Variants in GTF2F2 observed in about 807,000 individuals in gnomAD.
GTF2F2 encodes general transcription factor IIF subunit 2.
Under a neutral mutation model 42.2 loss-of-function variants are expected in GTF2F2, and 23 were observed. That is an observed-to-expected ratio of 0.55 (90% confidence interval 0.39 to 0.77). The LOEUF (loss-of-function observed/expected upper bound fraction) is 0.77. Ranked by LOEUF, GTF2F2 falls within the 30% of genes least tolerant of loss-of-function variation. GTF2F2 has a pLI of 0.00. For synonymous variants in GTF2F2, 105 were observed against 100.8 expected (o/e 1.04, Z -0.25); for missense variants, 261 against 287.2 (o/e 0.91, Z 0.66).
At chr13:45,171,069 C>CTTTTTTT (rs908914894) in intron 4 of GTF2F2, among the ~76,000 whole-genome samples, 2 of 94,240 alleles carry the variant, frequency 2.1e-5, no homozygotes, top group Non-Finnish European at 3.9e-5. Context: ...AAAACCCTAT[C>CTTTTTTT]TTTTTTTTTT....
At chr13:45,207,011 C>CACACACACAG (rs1873443541) in intron 4 of GTF2F2, 1 of 147,714 alleles carries the variant, frequency 6.8e-6, no homozygotes, top group African/African-American at 2.5e-5. Flanking sequence ...CACAAACACA[C>CACACACACAG]ACACACACAC....
At chr13:45,166,910 C>G (rs1871320607) in intron 4 of GTF2F2, among the ~76,000 whole-genome samples, 1 of 151,982 alleles carries the variant, frequency 6.6e-6, no homozygotes, top group East Asian at 1.9e-4. Context: ...AAAGTTAGGT[C>G]CATTTATATA....
intron 1 of GTF2F2, among the ~76,000 whole-genome samples, chr13:45,134,794 G>T (rs1301865247): frequency 6.6e-6 from 1 of 152,142 alleles, no homozygotes; most frequent in Non-Finnish European, 1.5e-5. Flanking sequence ...GTTGAGTCTT[G>T]AATCTGATCC....
intron 5 of GTF2F2, among the ~76,000 whole-genome samples, chr13:45,214,764 G>A (rs1211396417): frequency 6.6e-6 from 1 of 151,782 alleles, no homozygotes; most frequent in Non-Finnish European, 1.5e-5. Flanking sequence ...TCTTTGAATG[G>A]TGGCTTATGT....
chr13:45,270,003 T>C (rs765267746), intron 7 of GTF2F2, among the ~76,000 whole-genome samples: 5 of 152,122 alleles, frequency 3.3e-5, no homozygotes, highest in East Asian at 1.9e-4. Flanking sequence ...GGCTAATTTT[T>C]GGATTTTTAG....
At chr13:45,186,288 TTTTAA>T (rs1872420061) in intron 4 of GTF2F2, among the ~76,000 whole-genome samples, 1 of 150,688 alleles carries the variant, frequency 6.6e-6, no homozygotes, top group Non-Finnish European at 1.5e-5. Context: ...TTTTTTTTTT[TTTTAA>T]TTTTAATTTT....
At chr13:45,261,293 G>A (rs1054192641) in intron 6 of GTF2F2, among the ~76,000 whole-genome samples, 1 of 151,818 alleles carries the variant, frequency 6.6e-6, no homozygotes, top group Non-Finnish European at 1.5e-5. Context: ...GGGTGTGGTG[G>A]CACGCGCCTG....
At position 45,260,255 on chromosome 13, in the gene GTF2F2, A is replaced by G. The variant is rs112461661; in HGVS notation, c.487-6978A>G. Among the ~76,000 whole-genome samples, 329 of 152,332 alleles carry G rather than the reference A, an allele frequency of 2.2e-3. 3 individuals are homozygous for G. Among genetic ancestry groups the G allele is most frequent in the African/African-American group, 7.5e-3 (314 of 41,590 alleles). ...TATGCATAAATTTGAATTTTCCTAA[A>G]TAAAAAGGATGTTTGTAGGACTATA... On this transcript the variant is annotated intron_variant, in intron 6 of 7. Transcript: ENST00000340473.
At chr13:45,279,961 G>A (rs927141055) in intron 7 of GTF2F2, among the ~76,000 whole-genome samples, 3 of 151,758 alleles carry the variant, frequency 2.0e-5, no homozygotes, top group Admixed American at 2.0e-4. Flanking sequence ...GGAGAGCAAG[G>A]CATATAAATA....
At chr13:45,282,078 G>A (rs1877291151) in intron 7 of GTF2F2, among the ~76,000 whole-genome samples, 1 of 152,102 alleles carries the variant, frequency 6.6e-6, no homozygotes, top group Non-Finnish European at 1.5e-5. Flanking sequence ...GCATGCGCCT[G>A]TAATCCCAGC....
chr13:45,182,446 C>T (rs943762292), intron 4 of GTF2F2, among the ~76,000 whole-genome samples: 6 of 152,088 alleles, frequency 3.9e-5, no homozygotes, highest in African/African-American at 7.3e-5. Context: ...TCTAAAATAG[C>T]GTTCAAGATG....
At position 45,120,686 on chromosome 13, in the gene GTF2F2, G is replaced by A; in HGVS notation, c.31G>A (p.Gly11Ser). 3 of 1,561,748 alleles carry A rather than the reference G, an allele frequency of 1.9e-6. No homozygotes were observed. The highest frequency in any genetic ancestry group is 1.9e-5 in the Admixed American group (1 of 52,080). MAERGELDLT[G>S]AKQNTGVWLV... ...CGAGCGCGGGGAACTCGACTTGACC[G>A]GCGCCAAACAGAACACAGGAGTGTG... The change falls in exon 1 of 8, where the codon GGC (glycine) becomes AGC (serine). Residue 11 changes from glycine to serine, a missense_variant. Transcript: ENST00000340473.
chr13:45,142,253 G>A (rs925161400), intron 2 of GTF2F2, among the ~76,000 whole-genome samples: 3 of 152,122 alleles, frequency 2.0e-5, no homozygotes, highest in East Asian at 1.9e-4. Flanking sequence ...TGCAACCTCC[G>A]CCTCCTGAGT....
At chr13:45,228,579 C>G (rs2138214552) in intron 5 of GTF2F2, among the ~76,000 whole-genome samples, 1 of 151,466 alleles carries the variant, frequency 6.6e-6, no homozygotes, top group East Asian at 1.9e-4. Context: ...GGGCACTGAG[C>G]AGCTTCTCCT....
chr13:45,244,391 A>G (rs766005552), intron 5 of GTF2F2, among the ~76,000 whole-genome samples: 1 of 152,168 alleles, frequency 6.6e-6, no homozygotes, highest in Non-Finnish European at 1.5e-5. Flanking sequence ...TGATATAGGA[A>G]AAGTTCTTAC....
At chr13:45,207,298 A>G (rs1873455295) in intron 4 of GTF2F2, 126 bp from the exon 5 acceptor site, 5 of 624,090 alleles carry the variant, frequency 8.0e-6, no homozygotes, top group Non-Finnish European at 1.1e-5. Flanking sequence ...CCTGAAACTT[A>G]ACTATTTTTT....
rs1875521910 is a variant in GTF2F2 at position 45,245,163 on chromosome 13, AC to A, written c.387-7707del. 2.0e-5 allele frequency among the ~76,000 whole-genome samples: 3 copies of A among 152,334 alleles called. No individual in the cohort carries two copies. In the South Asian group the frequency reaches 6.2e-4, roughly 32 times the overall value. On this transcript the variant is annotated intron_variant, in intron 5 of 7. Transcript: ENST00000340473. The stretch of plus-strand genomic sequence containing the variant: ...GTTTTTCTACATCTGAAAATGGAAC[AC>A]ATAATTTACAAATTTTCAAGTAAAA...
chr13:45,231,339 C>T (rs1378780832), intron 5 of GTF2F2, among the ~76,000 whole-genome samples: 4 of 152,288 alleles, frequency 2.6e-5, no homozygotes, highest in African/African-American at 9.6e-5. Flanking sequence ...AACTCCTGAC[C>T]TCATGATCTG....
At chr13:45,196,560 T>A (rs1234951866) in intron 4 of GTF2F2, among the ~76,000 whole-genome samples, 1 of 152,226 alleles carries the variant, frequency 6.6e-6, no homozygotes, top group Non-Finnish European at 1.5e-5. Context: ...TAGCATCATA[T>A]AATAGCAAAA....
Sources: gnomAD v4.1 joint callset for allele counts (sites outside exome capture counted in the v4.1 genomes callset) on GRCh38, gnomAD v4.1.1 for gene constraint, MANE v1.5 for transcripts, NCBI Gene and HGNC (gene_info 2026-07-23, HGNC 2026-07-21) for gene names.